Variants in ZMIZ1 observed in about 807,000 individuals in gnomAD.
ZMIZ1 encodes zinc finger MIZ-type containing 1.
A neutral mutation model predicts 113.9 loss-of-function variants in ZMIZ1; 17 were observed. The ratio of observed to expected loss-of-function variants is 0.15; its 90% confidence interval spans 0.10 to 0.22. The LOEUF (loss-of-function observed/expected upper bound fraction) is 0.22, where lower values mean the gene tolerates loss of function less well. ZMIZ1 is among the 10% of genes least tolerant of loss of function. ZMIZ1 has a pLI of 1.00. For missense variants in ZMIZ1, 1,059 were observed against 1,477.8 expected, an observed-to-expected ratio of 0.72 and a Z score of 4.65; for synonymous variants, 607 against 603.1, an observed-to-expected ratio of 1.01 and a Z score of -0.09.
At position 79,311,090 on chromosome 10, in the gene ZMIZ1, A is replaced by G; in HGVS notation, c.3002A>G (p.His1001Arg). ...CCGCCACAGGCCGCTCCCAGCAGCC[A>G]TCCACACAGCGACCTGACCTTTAAC... is the stretch of plus-strand genomic sequence containing the variant. ...RQPPQAAPSS[H>R]PHSDLTFNPS... The change falls in exon 24 of 25, where the codon CAT (histidine) becomes CGT (arginine). Residue 1001 changes from histidine (H) to arginine (R), a missense_variant. His to Arg is a conservative substitution (Grantham distance 29, BLOSUM62 0). This residue lies in a region of ZMIZ1 where 225 missense variants were observed against 276.0 expected (regional missense o/e 0.82). Transcript: ENST00000334512. The G allele has an allele frequency of 6.2e-7, 1 of 1,613,754 alleles. No individual in the cohort carries two copies. Among genetic ancestry groups the G allele is most frequent in the South Asian group, 1.1e-5 (1 of 91,076 alleles).
intron 4 of ZMIZ1, among the ~76,000 whole-genome samples, chr10:79,195,252 A>G (rs935797431): frequency 1.3e-5 from 2 of 152,234 alleles, no homozygotes; most frequent in African/African-American, 4.8e-5. Context: ...TGCTTTGCAG[A>G]CAGCGAAATG....
chr10:79,095,675 C>T (rs757425216), intron 1 of ZMIZ1, among the ~76,000 whole-genome samples: 55 of 152,244 alleles, frequency 3.6e-4, no homozygotes, highest in Non-Finnish European at 6.6e-4. Context: ...CGTGAGGAGG[C>T]CCCTCGGTAC....
At chr10:79,292,497 C>A in intron 11 of ZMIZ1, 141 bp downstream of exon 11, 2 of 1,135,576 alleles carry the variant, frequency 1.8e-6, no homozygotes, top group Non-Finnish European at 2.5e-6. Flanking sequence ...TTTGGGCTTT[C>A]ATGGAAGCAT....
At chr10:79,229,717 A>G (rs999527341) in intron 7 of ZMIZ1, among the ~76,000 whole-genome samples, 3 of 152,176 alleles carry the variant, frequency 2.0e-5, no homozygotes, top group African/African-American at 7.2e-5. Flanking sequence ...CTGTACTCCC[A>G]AAGGAGCTCA....
At chr10:79,121,344 C>T (rs1844283183) in intron 2 of ZMIZ1, among the ~76,000 whole-genome samples, 1 of 152,246 alleles carries the variant, frequency 6.6e-6, no homozygotes, top group Non-Finnish European at 1.5e-5. Context: ...TTTCCTTTCC[C>T]TCCCTCCTTC....
rs1255871531 is a variant in ZMIZ1, at chr10:79,069,536, C to T, written c.-337+266C>T. 3.3e-5 allele frequency among the ~76,000 whole-genome samples: 5 copies of T among 151,716 alleles called. No individual in the cohort carries two copies. Among genetic ancestry groups the T allele is most frequent in the South Asian group, 2.1e-4 (1 of 4,828 alleles). On this transcript the variant is annotated intron_variant, in intron 1 of 24. Coordinates refer to ENST00000334512, the MANE Select transcript of ZMIZ1 (RefSeq NM_020338.4). The surrounding 1 kb of genome is among the most constrained non-coding windows in gnomAD (Gnocchi z 4.6). The stretch of plus-strand genomic sequence containing the variant: ...GCCGGGTTTGTCAGGGTGTGCGGGG[C>T]GTAAGTGTGGTCGTGCGCGCGCGGA...
intron 4 of ZMIZ1, among the ~76,000 whole-genome samples, chr10:79,169,681 A>G (rs1347666162): frequency 2.0e-5 from 3 of 152,246 alleles, no homozygotes; most frequent in African/African-American, 7.2e-5. Flanking sequence ...AGGGACAGAC[A>G]GTCCTGGGTT....
chr10:79,237,325 T>C, intron 7 of ZMIZ1, among the ~76,000 whole-genome samples: 1 of 152,258 alleles, frequency 6.6e-6, no homozygotes, highest in Admixed American at 6.5e-5. Context: ...TGAGGAAGGG[T>C]CTTAAGCAGA....
intron 7 of ZMIZ1, among the ~76,000 whole-genome samples, chr10:79,245,457 C>T (rs533214627): frequency 6.6e-6 from 1 of 152,282 alleles, no homozygotes; most frequent in East Asian, 1.9e-4. Context: ...TGCCCAGTGG[C>T]TGCTGAATGA....
intron 1 of ZMIZ1, among the ~76,000 whole-genome samples, chr10:79,105,460 T>C (rs1416757049): frequency 6.6e-6 from 1 of 152,224 alleles, no homozygotes; most frequent in Non-Finnish European, 1.5e-5. Context: ...CTGAGCTTCT[T>C]TCTGCTCCTC....
intron 2 of ZMIZ1, among the ~76,000 whole-genome samples, chr10:79,132,283 A>G (rs1034711273): frequency 6.6e-6 from 1 of 152,200 alleles, no homozygotes; most frequent in Non-Finnish European, 1.5e-5. Context: ...TCCTGAGTGC[A>G]GCAGTGGCTC....
intron 1 of ZMIZ1, among the ~76,000 whole-genome samples, chr10:79,091,487 A>G (rs1182056073): frequency 2.0e-5 from 3 of 152,230 alleles, no homozygotes; most frequent in Non-Finnish European, 4.4e-5. Flanking sequence ...GCTACTCAGC[A>G]GAATAGCTGC....
chr10:79,185,374 CTTTT>C (rs1847309882), intron 4 of ZMIZ1, among the ~76,000 whole-genome samples: 1 of 152,210 alleles, frequency 6.6e-6, no homozygotes, highest in Non-Finnish European at 1.5e-5. Context: ...CTTTTCACCT[CTTTT>C]TAAAACATTC....
At chr10:79,129,461 C>T (rs925545777) in intron 2 of ZMIZ1, among the ~76,000 whole-genome samples, 5 of 152,194 alleles carry the variant, frequency 3.3e-5, no homozygotes, top group African/African-American at 7.2e-5. Context: ...CTGGTGCAGT[C>T]GCTCGGCCCC....
chr10:79,117,841 A>G (rs373181270), intron 1 of ZMIZ1, among the ~76,000 whole-genome samples: 9 of 152,324 alleles, frequency 5.9e-5, no homozygotes, highest in South Asian at 4.1e-4. Context: ...CCTGAGCCTC[A>G]GGCCCCCAGG....
In ZMIZ1 at chr10:79,293,296, C is replaced by G. The variant is rs955013215; in HGVS notation, c.958-85C>G. ...CCTCCCCACTCCTCCACCTCCCCAACCCTTCCCTCCCTGCACTTTCAATGC... is the reference window on the plus strand; with the variant it reads ...CCTCCCCACTCCTCCACCTCCCCAAGCCTTCCCTCCCTGCACTTTCAATGC... On this transcript the variant is annotated intron_variant, in intron 11 of 24. Coordinates refer to ENST00000334512, the MANE Select transcript of ZMIZ1 (RefSeq NM_020338.4). 2.1e-6 allele frequency: 3 copies of G among 1,445,714 alleles called. No individual in the cohort carries two copies. In the African/African-American group the frequency reaches 4.3e-5, roughly 21 times the overall value. The allele number at this position is 1,445,714 out of a possible 1,614,324, so 89.6% of individuals were successfully genotyped here.
intron 1 of ZMIZ1, among the ~76,000 whole-genome samples, chr10:79,109,408 T>C (rs1843663116): frequency 6.6e-6 from 1 of 152,228 alleles, no homozygotes; most frequent in Admixed American, 6.5e-5. Context: ...GCCTGATCAT[T>C]AGGCTCATGG....
At chr10:79,149,159 C>G (rs1411514333) in intron 3 of ZMIZ1, among the ~76,000 whole-genome samples, 2 of 152,210 alleles carry the variant, frequency 1.3e-5, no homozygotes, top group Non-Finnish European at 2.9e-5. Flanking sequence ...GTCCCTATCT[C>G]TGTCCCTGTC....
At position 79,296,318 on chromosome 10, in the gene ZMIZ1, G is replaced by A. The variant is rs113355490; in HGVS notation, c.1231-153G>A. On this transcript the variant is annotated intron_variant, in intron 12 of 24. Transcript: ENST00000334512. This position sits in a 1 kb window ranked among gnomAD's most constrained non-coding sequence, Gnocchi z 4.1. ...ACAAAATGCCCCTGGATGTCAGGAC[G>A]AGAAGGGGCCCAAAGCATTATCTGG... The A allele has an allele frequency of 2.6e-3, 2,271 of 860,954 alleles. 42 individuals are homozygous for A. In the African/African-American group the frequency reaches 0.032, roughly 12 times the overall value. The allele number at this position is 860,954 out of a possible 1,614,324, so 53.3% of individuals were successfully genotyped here. A position where few individuals can be genotyped will look rare whatever the true frequency, so the allele number is the denominator to read the frequency against.
Sources: allele counts gnomAD v4.1 joint callset (sites outside exome capture counted in the v4.1 genomes callset), GRCh38; gene constraint gnomAD v4.1.1; regional missense constraint gnomAD v4.1.1; non-coding constraint Gnocchi (gnomAD v3.1); transcripts MANE v1.5; gene names NCBI Gene and HGNC (gene_info 2026-07-23, HGNC 2026-07-21).